The following FMNL2 variants were observed in gnomAD, a reference collection of about 807,000 sequenced individuals.
FMNL2 encodes the protein formin-like protein 2.
In FMNL2, 51 loss-of-function variants were observed where a neutral mutation model predicts 130.2. That is an observed-to-expected ratio of 0.39 (90% CI 0.31 to 0.49). The LOEUF is 0.49. Ranked by LOEUF, FMNL2 falls within the 20% of genes least tolerant of loss-of-function variation. The probability of loss-of-function intolerance (pLI) is 0.85; values close to 1 mark genes in which losing one functional copy is unlikely to be tolerated. For synonymous variants in FMNL2, 465 were observed against 467.1 expected, an observed-to-expected ratio of 1.00 and a Z score of 0.06; for missense variants, 977 against 1,316.2, an observed-to-expected ratio of 0.74 and a Z score of 3.99.
chr2:152,600,065 C>T (rs1697969920), intron 9 of FMNL2, among the ~76,000 whole-genome samples: 1 of 152,198 alleles, frequency 6.6e-6, no homozygotes, highest in Non-Finnish European at 1.5e-5. Flanking sequence ...ACTGCTGGTG[C>T]ACTCAGTAGA....
At chr2:152,350,325 T>C (rs1396544394) in intron 1 of FMNL2, among the ~76,000 whole-genome samples, 3 of 152,198 alleles carry the variant, frequency 2.0e-5, no homozygotes, top group African/African-American at 7.2e-5. Context: ...ACCTTGCCCA[T>C]GGGACAGCCT....
At chr2:152,381,827 T>G (rs1031328615) in intron 1 of FMNL2, among the ~76,000 whole-genome samples, 4 of 152,164 alleles carry the variant, frequency 2.6e-5, no homozygotes, top group African/African-American at 9.7e-5. Context: ...TTTTTTCTTT[T>G]TGAGATAGGA....
Position 152,647,961 on chromosome 2 carries a change from A to G in FMNL2, c.*56A>G. ...GTGCGTGAATGAAACTGCCCACATG[A>G]ACTTTATGTGCTACGATTTAACTGC... is the stretch of plus-strand genomic sequence containing the variant. On this transcript the variant is annotated 3_prime_UTR_variant, in exon 26 of 26. Coordinates refer to ENST00000288670, the MANE Select transcript of FMNL2 (RefSeq NM_052905.4). 1 of 1,380,828 alleles carries G rather than the reference A, an allele frequency of 7.2e-7. No homozygotes were observed. Among genetic ancestry groups the G allele is most frequent in the South Asian group, 1.3e-5 (1 of 76,968 alleles). The allele number at this position is 1,380,828 out of a possible 1,614,324, so 85.5% of individuals were successfully genotyped here.
At chr2:152,445,025 G>C (rs879496606) in intron 1 of FMNL2, among the ~76,000 whole-genome samples, 5 of 152,214 alleles carry the variant, frequency 3.3e-5, no homozygotes, top group Admixed American at 3.3e-4. Flanking sequence ...TGTTGGCACT[G>C]TGGTTTTCCA....
chr2:152,481,548 G>A (rs1690525981), intron 1 of FMNL2, among the ~76,000 whole-genome samples: 1 of 152,168 alleles, frequency 6.6e-6, no homozygotes, highest in Admixed American at 6.5e-5. Context: ...ATTTGTTTGG[G>A]GTGGAGCCCA....
intron 1 of FMNL2, among the ~76,000 whole-genome samples, chr2:152,460,072 T>A (rs1440707886): frequency 1.3e-5 from 2 of 152,214 alleles, no homozygotes; most frequent in African/African-American, 4.8e-5. Flanking sequence ...AGTTCTCTAT[T>A]TAACTATTAA....
intron 1 of FMNL2, among the ~76,000 whole-genome samples, chr2:152,364,608 A>T (rs565550414): frequency 6.6e-6 from 1 of 152,276 alleles, no homozygotes; most frequent in African/African-American, 2.4e-5. Flanking sequence ...ATCTATTTAG[A>T]TATGCTTTGG....
chr2:152,390,197 T>C, intron 1 of FMNL2: 1 of 1,380,846 alleles, frequency 7.2e-7, no homozygotes, highest in African/African-American at 1.4e-5. Context: ...TGGTGGTCCC[T>C]TTCCGTGTAA....
chr2:152,350,208 C>T (rs1051167293), intron 1 of FMNL2, among the ~76,000 whole-genome samples: 1 of 152,134 alleles, frequency 6.6e-6, no homozygotes, highest in Admixed American at 6.5e-5. Flanking sequence ...AGCCAGAGTA[C>T]GATTTGTTTC....
intron 1 of FMNL2, among the ~76,000 whole-genome samples, chr2:152,384,875 G>C (rs1684695274): frequency 6.6e-6 from 1 of 152,110 alleles, no homozygotes; most frequent in South Asian, 2.1e-4. Context: ...CTCTAGATTT[G>C]GTTTCTTGTT....
chr2:152,335,676 A>G lies in FMNL2; in HGVS notation c.73A>G (p.Met25Val), dbSNP rs1392811717. 1.9e-6 allele frequency: 3 copies of G among 1,591,658 alleles called. No individual in the cohort carries two copies. The highest frequency in any genetic ancestry group is 2.6e-6 in the Non-Finnish European group (3 of 1,169,176). ...RAHNVPLKLP[M>V]PEPGELEERF... ...GCACAACGTGCCTTTGAAGCTGCCG[A>G]TGCCAGAGCCAGGTGAACTGGAGGA... The change falls in exon 1 of 26, where the codon ATG becomes GTG. Residue 25 changes from methionine (M) to valine (V), a missense_variant. By Grantham distance (21) the Met-to-Val change is conservative (BLOSUM62 1). Around this residue, in one of 4 missense-constraint regions of FMNL2, gnomAD observed 117 missense variants for 134.9 expected, o/e 0.87. Transcript: ENST00000288670.
At chr2:152,485,378 C>G (rs1690763249) in intron 1 of FMNL2, among the ~76,000 whole-genome samples, 1 of 152,144 alleles carries the variant, frequency 6.6e-6, no homozygotes, top group South Asian at 2.1e-4. Flanking sequence ...GTAGTCCCAG[C>G]TACTTGGAAG....
intron 1 of FMNL2, among the ~76,000 whole-genome samples, chr2:152,449,114 C>G (rs2105056978): frequency 6.6e-6 from 1 of 152,294 alleles, no homozygotes; most frequent in African/African-American, 2.4e-5. Context: ...TTTGTAAATG[C>G]TTTTGTGCCT....
chr2:152,628,206 T>TG, intron 17 of FMNL2, 93 bp from the exon 18 acceptor site: 2 of 1,060,324 alleles, frequency 1.9e-6, no homozygotes, highest in Non-Finnish European at 1.4e-6. Context: ...ACCAGATGGA[T>TG]GATGGATGGA....
At chr2:152,390,983 C>A (rs976525641) in intron 1 of FMNL2, among the ~76,000 whole-genome samples, 1 of 152,250 alleles carries the variant, frequency 6.6e-6, no homozygotes, top group Non-Finnish European at 1.5e-5. Context: ...TGGCAACCTT[C>A]ACACCCTAGT....
intron 1 of FMNL2, among the ~76,000 whole-genome samples, chr2:152,464,901 A>G (rs1238856045): frequency 2.6e-5 from 4 of 152,176 alleles, no homozygotes; most frequent in Admixed American, 2.6e-4. Flanking sequence ...TGTCCTCAGG[A>G]ATCTTATTGA....
rs1291221011 is a variant in FMNL2 at position 152,578,918 on chromosome 2, C to T, written c.736C>T (p.His246Tyr). The change falls in exon 8 of 26, where the codon CAC (histidine) becomes TAC (tyrosine). Residue 246 changes from histidine (H) to tyrosine (Y), a missense_variant. Transcript: ENST00000288670. ...YGFNMVMSHP[H>Y]AVNEIALSLN... ...TTTCAACATGGTCATGTCTCATCCA[C>T]ACGCTGTCAATGAGATTGCACTAAG... 2.5e-6 allele frequency: 4 copies of T among 1,613,448 alleles called. No homozygotes were observed. The highest frequency in any genetic ancestry group is 3.4e-6 in the Non-Finnish European group (4 of 1,179,652).
At chr2:152,538,891 C>G (rs1161118433) in intron 2 of FMNL2, among the ~76,000 whole-genome samples, 1 of 152,160 alleles carries the variant, frequency 6.6e-6, no homozygotes, top group Non-Finnish European at 1.5e-5. Context: ...AATTTCAGCA[C>G]CTTGCCAAAC....
chr2:152,450,590 C>T (rs1688587095), intron 1 of FMNL2, among the ~76,000 whole-genome samples: 1 of 152,184 alleles, frequency 6.6e-6, no homozygotes, highest in Non-Finnish European at 1.5e-5. Flanking sequence ...TCTTCATTAT[C>T]CAGACTGCTG....
Sources: allele counts gnomAD v4.1 joint callset (sites outside exome capture counted in the v4.1 genomes callset), GRCh38; gene constraint gnomAD v4.1.1; regional missense constraint gnomAD v4.1.1; transcripts MANE v1.5; gene names NCBI Gene and HGNC (gene_info 2026-07-23, HGNC 2026-07-21).